MAP7D2: variants seen among roughly 807,000 people sequenced by gnomAD.
MAP7D2 encodes the protein MAP7 domain containing 2, also known as MAP7 domain-containing protein 2.
In MAP7D2, 33 loss-of-function variants were observed where a neutral mutation model predicts 63.5. That is an observed-to-expected ratio of 0.52 (90% confidence interval 0.39 to 0.70). The LOEUF is 0.70. Among genes scored for constraint, MAP7D2 ranks in the 30% least tolerant of loss-of-function variants. The probability of loss-of-function intolerance (pLI) is 0.00; values close to 1 mark genes in which losing one functional copy is unlikely to be tolerated. For synonymous variants in MAP7D2, 224 were observed against 223.7 expected (o/e 1.00, Z -0.01); for missense variants, 626 against 604.0 (o/e 1.04, Z -0.38).
chrX:20,088,903 G>A (rs1419467289), intron 1 of MAP7D2, among the ~76,000 whole-genome samples: 3 of 109,442 alleles, frequency 2.7e-5, no homozygotes, highest in South Asian at 4.0e-4. Context: ...GCACGATCTC[G>A]GCTCACTGCA....
rs1016645713 is a variant in MAP7D2 at position 20,007,266 on chromosome X, G to C, written c.*1159C>G. On this transcript the variant is annotated 3_prime_UTR_variant, in exon 17 of 17. Transcript: ENST00000379643. Reference sequence around the variant, plus strand: ...GGTTGCAAACCTCTCTCAGAATTATGAATCTTTCCAAACCCTTAATTATAC... The same window carrying C: ...GGTTGCAAACCTCTCTCAGAATTATCAATCTTTCCAAACCCTTAATTATAC... 8.9e-6 allele frequency: 1 copy of C among 112,328 alleles called. No homozygotes were observed. Among genetic ancestry groups the C allele is most frequent in the Non-Finnish European group, 1.9e-5 (1 of 53,276 alleles). 9.3% of individuals were successfully genotyped at this position (112,328 alleles called of 1,213,427 possible).
In MAP7D2 at chrX:20,050,932, G is replaced by C. The variant is rs1401004591; in HGVS notation, c.610C>G (p.Leu204Val). The C allele has an allele frequency of 2.6e-6, 3 of 1,160,196 alleles. No homozygotes were observed. The Admixed American group carries it at 8.2e-5, about 32-fold the overall frequency. Residue 204 changes from leucine (L) to valine (V), a missense_variant, in exon 6 of 17, where the codon CTT (leucine) becomes GTT (valine). Leu to Val is a conservative substitution (Grantham distance 32). Transcript: ENST00000379643. ...ACAAGAATGGCTTCCATTGGACTAA[G>C]GTGCATGTGATGAGCTGAGGGATGG... ...YSPDRAHHMH[L>V]SPMEAILVSR...
intron 6 of MAP7D2, 44 bp downstream of exon 6, chrX:20,050,780 T>C (rs1290511714): frequency 4.5e-6 from 5 of 1,122,266 alleles, no homozygotes; most frequent in Non-Finnish European, 5.9e-6. Context: ...GACCAACACC[T>C]CTTCGGGCAT....
rs532309234 is a variant in MAP7D2, at chrX:20,035,151, G to C, written c.1007+7351C>G. On this transcript the variant is annotated intron_variant, in intron 8 of 16. Coordinates refer to ENST00000379643, the MANE Select transcript of MAP7D2 (RefSeq NM_001168465.2). ...GGGACTTTTGCATCCTCAGCCCTTA[G>C]AAGAGGGCTGGATGTTAAGTGAGTG... Among the ~76,000 whole-genome samples the C allele has an allele frequency of 2.2e-4, 25 of 111,952 alleles. No homozygotes were observed. The South Asian group carries it at 3.0e-3, about 13-fold the overall frequency.
chrX:20,092,185 G>C lies in MAP7D2; in HGVS notation c.130+24565C>G, dbSNP rs1376145379. On this transcript the variant is annotated intron_variant, in intron 1 of 16. Transcript: ENST00000379643. ...CTTGAATTCCATTCAAGAAGCTTTG[G>C]CTTATTTTTCACAAAACCTAACCTG... is the stretch of plus-strand genomic sequence containing the variant. 9.0e-5 allele frequency among the ~76,000 whole-genome samples: 10 copies of C among 111,592 alleles called. No homozygotes were observed. The Admixed American group carries it at 9.5e-4, about 11-fold the overall frequency.
chrX:20,036,512 G>A (rs936836490), intron 8 of MAP7D2, among the ~76,000 whole-genome samples: 92 of 107,156 alleles, frequency 8.6e-4, no homozygotes, highest in Non-Finnish European at 1.3e-3. Context: ...AAAGTGCTGG[G>A]ACTATAGGTG....
At chrX:20,055,971 A>T (rs186876663) in intron 4 of MAP7D2, 1 of 277,151 alleles carries the variant, frequency 3.6e-6, no homozygotes, top group Non-Finnish European at 6.4e-6. Context: ...AAAATAAAGT[A>T]TATTTACTGC....
At chrX:20,050,982 A>G in intron 5 of MAP7D2, 36 bp from the exon 6 acceptor site, 2 of 1,088,461 alleles carry the variant, frequency 1.8e-6, no homozygotes, top group Non-Finnish European at 2.4e-6. Context: ...TTTAAAAAGC[A>G]AAATTAAAAC....
At chrX:20,084,365 G>C (rs1053959695) in intron 1 of MAP7D2, among the ~76,000 whole-genome samples, 3 of 111,419 alleles carry the variant, frequency 2.7e-5, no homozygotes, top group African/African-American at 9.8e-5. Context: ...TAAAACCTCA[G>C]AAAACGATAA....
chrX:20,111,332 T>TGTGTACATTACATTCAGGTTCTGAGC (rs1286398267), intron 1 of MAP7D2, among the ~76,000 whole-genome samples: 8 of 112,109 alleles, frequency 7.1e-5, no homozygotes, highest in Non-Finnish European at 1.5e-4. Context: ...TGCAGACCGC[T>TGTGTACATTACATTCAGGTTCTGAGC]GTGTACATTA....
intron 8 of MAP7D2, among the ~76,000 whole-genome samples, chrX:20,026,355 A>AAATTT (rs2073844832): frequency 9.0e-6 from 1 of 111,313 alleles, no homozygotes. Flanking sequence ...ATATAACACC[A>AAATTT]AATTTACCAT....
At chrX:20,015,423 C>T (rs1174081915) in intron 11 of MAP7D2, 96 bp from the exon 12 acceptor site, 5 of 687,727 alleles carry the variant, frequency 7.3e-6, no homozygotes, top group Non-Finnish European at 1.1e-5. Flanking sequence ...ATCTCATCAT[C>T]TGCCCTAAAG....
chrX:20,051,370 C>T (rs1350376851), intron 5 of MAP7D2, among the ~76,000 whole-genome samples: 2 of 110,634 alleles, frequency 1.8e-5, no homozygotes, highest in African/African-American at 3.3e-5. Flanking sequence ...GGCAACGTGG[C>T]GAAACCTCGT....
rs890962897 is a variant in MAP7D2 at position 20,046,322 on chromosome X, T to C, written c.719-1798A>G. ...ATGGGACCATCCACAATCAAGCTGC[T>C]CATTGGCTCTATTATTTCTGATGCA... On this transcript the variant is annotated intron_variant, in intron 6 of 16. Coordinates refer to ENST00000379643, the MANE Select transcript of MAP7D2 (RefSeq NM_001168465.2). 9.8e-5 allele frequency among the ~76,000 whole-genome samples: 11 copies of C among 112,201 alleles called. No homozygotes were observed. The Admixed American group carries it at 1.0e-3, about 11-fold the overall frequency.
chrX:20,044,666 C>A (rs1170402801), intron 6 of MAP7D2, 142 bp from the exon 7 acceptor site: 2 of 535,588 alleles, frequency 3.7e-6, no homozygotes, highest in Non-Finnish European at 6.0e-6. Context: ...CAGGATGGAT[C>A]TTACCCTAAA....
chrX:20,082,860 C>A (rs1478125605), intron 1 of MAP7D2, among the ~76,000 whole-genome samples: 1 of 111,708 alleles, frequency 9.0e-6, no homozygotes, highest in Non-Finnish European at 1.9e-5. Flanking sequence ...GAACTCCTGA[C>A]CTTGTGATCT....
chrX:20,021,520 C>T (rs2148163689), intron 10 of MAP7D2: 1 of 111,577 alleles, frequency 9.0e-6, no homozygotes, highest in East Asian at 2.8e-4. Context: ...CTCCTCACCT[C>T]CCACGTGGCA....
rs1569098465 is a variant in MAP7D2 at position 20,060,438 on chromosome X, GAA to G, written c.372+2974_372+2975del. 1.5e-3 allele frequency among the ~76,000 whole-genome samples: 61 copies of G among 40,520 alleles called. 1 individual carries two copies. Among genetic ancestry groups the G allele is most frequent in the East Asian group, 0.013 (7 of 552 alleles). The allele number at this position is 40,520 out of a possible 115,157, so 35.2% of individuals were successfully genotyped here. A position where few individuals can be genotyped will look rare whatever the true frequency, so the allele number is the denominator to read the frequency against. On this transcript the variant is annotated intron_variant, in intron 3 of 16. Coordinates refer to ENST00000379643, the MANE Select transcript of MAP7D2 (RefSeq NM_001168465.2). ...GAAAAGAGAGAGAGAGAGAGAGAAA[GAA>G]AGAAAGAAAGAAAGAAAGAAAGAAA...
intron 1 of MAP7D2, among the ~76,000 whole-genome samples, chrX:20,065,322 G>A (rs1219080962): frequency 1.9e-5 from 2 of 104,111 alleles, no homozygotes; most frequent in South Asian, 4.6e-4. Context: ...GCTGGAATGC[G>A]GTGGCGCGAC....
Sources: allele counts gnomAD v4.1 joint callset (sites outside exome capture counted in the v4.1 genomes callset), GRCh38; gene constraint gnomAD v4.1.1; transcripts MANE v1.5; gene names NCBI Gene and HGNC (gene_info 2026-07-23, HGNC 2026-07-21).